Variants in FAM171A1 observed in about 807,000 individuals in gnomAD.
FAM171A1 encodes the protein family with sequence similarity 171 member A1, also known as protein FAM171A1.
A neutral mutation model predicts 74.9 loss-of-function variants in FAM171A1; 23 were observed. The observed-to-expected ratio is 0.31, with a 90% CI of 0.22 to 0.44. The LOEUF is 0.44. Among genes scored for constraint, FAM171A1 ranks in the 20% least tolerant of loss-of-function variants. The pLI is 1.00. For missense variants in FAM171A1, 1,162 were observed against 1,159.2 expected (o/e 1.00, Z -0.03); for synonymous variants, 527 against 505.7 (o/e 1.04, Z -0.57).
chr10:15,372,698 C>CAAAA (rs59712649), upstream of FAM171A1, among the ~76,000 whole-genome samples: 69 of 88,144 alleles, frequency 7.8e-4, no homozygotes, highest in East Asian at 3.2e-3. Context: ...GACCCCGTCT[C>CAAAA]AAAAAAAAAA....
At chr10:15,257,474 G>C (rs533898697) in intron 3 of FAM171A1, among the ~76,000 whole-genome samples, 2 of 152,096 alleles carry the variant, frequency 1.3e-5, no homozygotes, top group Admixed American at 1.3e-4. Context: ...TCTGCTTCTC[G>C]TGCCTTCTCG....
chr10:15,246,889 C>G (rs1297428754), intron 5 of FAM171A1, among the ~76,000 whole-genome samples: 1 of 152,244 alleles, frequency 6.6e-6, no homozygotes, highest in Non-Finnish European at 1.5e-5. Context: ...AGGCCCCACG[C>G]TGCCAAGACC....
intron 5 of FAM171A1, among the ~76,000 whole-genome samples, chr10:15,238,787 C>T (rs916205584): frequency 6.6e-6 from 1 of 152,146 alleles, no homozygotes; most frequent in Non-Finnish European, 1.5e-5. Flanking sequence ...TCTATAGCAA[C>T]CCCCACACAC....
At chr10:15,325,441 G>T (rs1835543766) in intron 1 of FAM171A1, among the ~76,000 whole-genome samples, 1 of 152,180 alleles carries the variant, frequency 6.6e-6, no homozygotes. Flanking sequence ...CCAGGCAGCT[G>T]AGTCTGCGGT....
chr10:15,317,798 A>C (rs1835440511), intron 1 of FAM171A1, among the ~76,000 whole-genome samples: 1 of 151,458 alleles, frequency 6.6e-6, no homozygotes, highest in Non-Finnish European at 1.5e-5. Context: ...TCAGGCACTA[A>C]TTTACTTTTT....
intron 1 of FAM171A1, among the ~76,000 whole-genome samples, chr10:15,325,747 C>T (rs1233626715): frequency 6.6e-6 from 1 of 152,074 alleles, no homozygotes; most frequent in Non-Finnish European, 1.5e-5. Context: ...CGCCCACGGT[C>T]GTGCTTGGCT....
chr10:15,323,303 A>G (rs1400979059), intron 1 of FAM171A1, among the ~76,000 whole-genome samples: 2 of 151,922 alleles, frequency 1.3e-5, no homozygotes, highest in African/African-American at 4.8e-5. Context: ...AAATACAAAA[A>G]TTAGCTTGGT....
In FAM171A1 at chr10:15,238,348, C is replaced by T. The variant is rs190409003; in HGVS notation, c.754+10291G>A. Among the ~76,000 whole-genome samples, 136 of 152,298 alleles carry T rather than the reference C, an allele frequency of 8.9e-4. 1 individual carries two copies. Among genetic ancestry groups the T allele is most frequent in the African/African-American group, 3.2e-3 (132 of 41,554 alleles). On this transcript the variant is annotated intron_variant, in intron 5 of 7. Transcript: ENST00000378116. ...GATATCCCACATACAGCCCAGACTC[C>T]CTCTTGATCAATATCCCCTACCAGA...
chr10:15,246,721 C>T (rs1041996954), intron 5 of FAM171A1, among the ~76,000 whole-genome samples: 4 of 152,170 alleles, frequency 2.6e-5, no homozygotes, highest in African/African-American at 9.7e-5. Context: ...TAGGGTTTCA[C>T]CATGTTGGCC....
chr10:15,240,113 C>G (rs973870644), intron 5 of FAM171A1, among the ~76,000 whole-genome samples: 1 of 152,188 alleles, frequency 6.6e-6, no homozygotes, highest in Non-Finnish European at 1.5e-5. Context: ...AATCCCAGCA[C>G]TTTGGGAGGC....
chr10:15,356,419 C>CACCT (rs1463070028), intron 1 of FAM171A1, among the ~76,000 whole-genome samples: 2 of 152,036 alleles, frequency 1.3e-5, no homozygotes, highest in East Asian at 3.9e-4. Flanking sequence ...AGGGAACACT[C>CACCT]ACCTACCCTA....
chr10:15,265,971 T>G (rs530648924), intron 3 of FAM171A1, among the ~76,000 whole-genome samples: 1 of 152,066 alleles, frequency 6.6e-6, no homozygotes, highest in Non-Finnish European at 1.5e-5. Context: ...CCAGAGGTGG[T>G]AGAAGGCACA....
At chr10:15,317,375 CTCA>C (rs1488527390) in intron 1 of FAM171A1, among the ~76,000 whole-genome samples, 3 of 152,104 alleles carry the variant, frequency 2.0e-5, no homozygotes, top group Non-Finnish European at 4.4e-5. Context: ...TCTGGTTGCG[CTCA>C]TATTTTATTT....
At chr10:15,273,543 G>A (rs1478705416) in intron 3 of FAM171A1, among the ~76,000 whole-genome samples, 1 of 152,166 alleles carries the variant, frequency 6.6e-6, no homozygotes, top group Admixed American at 6.5e-5. Flanking sequence ...CTCATTTTAT[G>A]AGGCCAGCAT....
chr10:15,369,213 AATAT>A (rs71505070), intron 1 of FAM171A1, among the ~76,000 whole-genome samples: 1 of 145,740 alleles, frequency 6.9e-6, no homozygotes, highest in Admixed American at 6.9e-5. Context: ...ATATATATTG[AATAT>A]ATATATATAT....
chr10:15,235,906 G>C (rs1303094496), intron 5 of FAM171A1, among the ~76,000 whole-genome samples: 3 of 152,012 alleles, frequency 2.0e-5, no homozygotes, highest in African/African-American at 7.3e-5. Flanking sequence ...CCCATCCTCG[G>C]GGTCCTCACC....
At chr10:15,334,165 C>T (rs1384609645) in intron 1 of FAM171A1, among the ~76,000 whole-genome samples, 1 of 152,214 alleles carries the variant, frequency 6.6e-6, no homozygotes, top group Non-Finnish European at 1.5e-5. Flanking sequence ...TTACATATCC[C>T]CTTGAGGAGT....
intron 1 of FAM171A1, among the ~76,000 whole-genome samples, chr10:15,289,378 T>C (rs1835077218): frequency 6.6e-6 from 1 of 152,126 alleles, no homozygotes; most frequent in Admixed American, 6.6e-5. Context: ...GCTGAGTTGG[T>C]CACCTGAAGA....
intron 1 of FAM171A1, among the ~76,000 whole-genome samples, chr10:15,298,961 C>T (rs1835194064): frequency 6.6e-6 from 1 of 152,180 alleles, no homozygotes; most frequent in Non-Finnish European, 1.5e-5. Flanking sequence ...CACTCTGTTA[C>T]CCAGGCTGGA....
Sources: allele counts gnomAD v4.1 joint callset (sites outside exome capture counted in the v4.1 genomes callset), GRCh38; gene constraint gnomAD v4.1.1; transcripts MANE v1.5; gene names NCBI Gene and HGNC (gene_info 2026-07-23, HGNC 2026-07-21).